The following TRDN variants were observed in gnomAD, a reference collection of about 807,000 sequenced individuals.
TRDN encodes the protein triadin in skeletal muscle.
A neutral mutation model predicts 149.7 loss-of-function variants in TRDN; 161 were observed. The ratio of observed to expected loss-of-function variants is 1.08; its 90% confidence interval spans 0.95 to 1.23. The LOEUF (loss-of-function observed/expected upper bound fraction) is 1.23, where lower values mean the gene tolerates loss of function less well. Among genes scored for constraint, TRDN ranks in the 50% most tolerant of loss-of-function variants. TRDN has a pLI of 0.00. For missense variants in TRDN, 896 were observed against 823.5 expected (o/e 1.09, Z -1.08); for synonymous variants, 294 against 250.5 (o/e 1.17, Z -1.64).
At chr6:123,431,843 A>G (rs1281721979) in intron 12 of TRDN, among the ~76,000 whole-genome samples, 2 of 152,202 alleles carry the variant, frequency 1.3e-5, no homozygotes, top group Non-Finnish European at 2.9e-5. Context: ...AAAGTAAAAT[A>G]CATAATATTC....
chr6:123,578,898 TC>T (rs1651735478), intron 1 of TRDN, among the ~76,000 whole-genome samples: 1 of 152,096 alleles, frequency 6.6e-6, no homozygotes, highest in East Asian at 1.9e-4. Flanking sequence ...GGTGGTTTTT[TC>T]GTGTGTGTGG....
intron 1 of TRDN, among the ~76,000 whole-genome samples, chr6:123,599,888 A>G (rs895511795): frequency 2.6e-5 from 4 of 151,878 alleles, no homozygotes; most frequent in Non-Finnish European, 4.4e-5. Context: ...AGCCATGGAT[A>G]TATGCCTCCG....
chr6:123,619,674 A>T (rs1282305259), intron 1 of TRDN, among the ~76,000 whole-genome samples: 1 of 152,170 alleles, frequency 6.6e-6, no homozygotes, highest in Non-Finnish European at 1.5e-5. Context: ...TGAGATGGGA[A>T]ATCTTGCTGC....
intron 12 of TRDN, among the ~76,000 whole-genome samples, chr6:123,405,264 C>T (rs1773147472): frequency 6.6e-6 from 1 of 152,084 alleles, no homozygotes; most frequent in African/African-American, 2.4e-5. Flanking sequence ...TGAGTAAATG[C>T]TAGTACAAAA....
chr6:123,399,901 G>A (rs1772888307), intron 12 of TRDN, among the ~76,000 whole-genome samples: 1 of 152,008 alleles, frequency 6.6e-6, no homozygotes. Flanking sequence ...AAATTGGAAT[G>A]ATTTCCTTAG....
rs148952115 is a variant in TRDN at position 123,466,241 on chromosome 6, T to C, written c.854-1258A>G. ...TATTTTTTCATTAGCAAAGAAAAAA[T>C]AAGGCTGGGAACACTAAAAAGAAGG... On this transcript the variant is annotated intron_variant, in intron 9 of 40. Transcript: ENST00000334268. Among the ~76,000 whole-genome samples the C allele has an allele frequency of 9.2e-5, 14 of 152,188 alleles. No homozygotes were observed. The East Asian group carries it at 2.7e-3, about 29-fold the overall frequency.
chr6:123,368,717 A>G (rs533297531), intron 19 of TRDN, among the ~76,000 whole-genome samples: 2 of 152,108 alleles, frequency 1.3e-5, no homozygotes, highest in Admixed American at 6.6e-5. Context: ...TTACTGCCAG[A>G]ATTTTGATTT....
intron 23 of TRDN, among the ~76,000 whole-genome samples, chr6:123,323,122 A>G (rs1285132616): frequency 6.6e-6 from 1 of 152,150 alleles, no homozygotes; most frequent in East Asian, 1.9e-4. Flanking sequence ...TGCTAACTTC[A>G]TTTTTAGGGT....
At chr6:123,377,780 A>G (rs926484082) in intron 17 of TRDN, 38 bp from the exon 18 acceptor site, 1 of 1,611,668 alleles carries the variant, frequency 6.2e-7, no homozygotes, top group Non-Finnish European at 8.5e-7. Context: ...TCAGCATTCT[A>G]TGTCATTCAA....
intron 1 of TRDN, among the ~76,000 whole-genome samples, chr6:123,632,933 T>C (rs554973774): frequency 2.0e-5 from 3 of 152,120 alleles, no homozygotes; most frequent in Admixed American, 2.0e-4. Context: ...GTGTAGAATA[T>C]AAATGACCAT....
intron 1 of TRDN, among the ~76,000 whole-genome samples, chr6:123,575,518 C>T (rs960499423): frequency 6.6e-6 from 1 of 152,082 alleles, no homozygotes. Flanking sequence ...TTGACATGGG[C>T]TATGCCTCTT....
intron 1 of TRDN, among the ~76,000 whole-genome samples, chr6:123,622,485 G>A (rs749505226): frequency 6.6e-6 from 1 of 152,072 alleles, no homozygotes; most frequent in Non-Finnish European, 1.5e-5. Flanking sequence ...CTGGTAAGTC[G>A]GTGTCCTTAC....
chr6:123,430,676 C>G (rs1046969641), intron 12 of TRDN, among the ~76,000 whole-genome samples: 26 of 152,048 alleles, frequency 1.7e-4, no homozygotes, highest in Non-Finnish European at 3.2e-4. Flanking sequence ...CCCCAAGTCC[C>G]CAAAATAAGC....
chr6:123,334,105 T>C (rs6911706), intron 22 of TRDN, among the ~76,000 whole-genome samples: 53,986 of 151,792 alleles, frequency 0.36, 10,627 homozygotes, highest in African/African-American at 0.53. Flanking sequence ...GGGAGGAGTT[T>C]CGAAGTCTTC....
At chr6:123,467,712 T>C (rs532267701) in intron 9 of TRDN, among the ~76,000 whole-genome samples, 6 of 152,266 alleles carry the variant, frequency 3.9e-5, no homozygotes, top group Non-Finnish European at 5.9e-5. Context: ...ACTCATATAA[T>C]CAGTAATGTC....
At chr6:123,490,663 C>CT (rs1317260031) in intron 9 of TRDN, among the ~76,000 whole-genome samples, 2 of 152,154 alleles carry the variant, frequency 1.3e-5, no homozygotes, top group African/African-American at 4.8e-5. Flanking sequence ...TCACAGTACT[C>CT]TTTCTTTATA....
intron 24 of TRDN, among the ~76,000 whole-genome samples, chr6:123,314,914 A>T (rs60414557): frequency 0.013 from 1,945 of 152,094 alleles, 41 homozygotes; most frequent in African/African-American, 0.042. Context: ...TACCTGGGCG[A>T]TGAAATAATT....
chr6:123,298,450 G>T (rs541098966), intron 24 of TRDN, among the ~76,000 whole-genome samples: 128 of 151,974 alleles, frequency 8.4e-4, no homozygotes, highest in African/African-American at 3.0e-3. Flanking sequence ...TCCACCAAGG[G>T]TTAGAGATAA....
At chr6:123,351,199 T>C (rs1178890735) in intron 21 of TRDN, 5 of 983,692 alleles carry the variant, frequency 5.1e-6, no homozygotes, top group Non-Finnish European at 6.0e-6. Flanking sequence ...TGTGTTGAAA[T>C]TGATTTTATA....
Sources: allele counts gnomAD v4.1 joint callset (sites outside exome capture counted in the v4.1 genomes callset), GRCh38; gene constraint gnomAD v4.1.1; transcripts MANE v1.5; gene names NCBI Gene and HGNC (gene_info 2026-07-23, HGNC 2026-07-21).